Variants in XPNPEP1 observed in about 807,000 individuals in gnomAD.
XPNPEP1 encodes the protein xaa-Pro aminopeptidase 1.
In XPNPEP1, 39 loss-of-function variants were observed where a neutral mutation model predicts 92.4. The ratio of observed to expected loss-of-function variants is 0.42; its 90% confidence interval spans 0.33 to 0.55. The LOEUF is 0.55. Ranked by LOEUF, XPNPEP1 falls within the 20% of genes least tolerant of loss-of-function variation. The pLI, the probability that XPNPEP1 is intolerant of heterozygous loss-of-function variation, is 0.08. For synonymous variants in XPNPEP1, 307 were observed against 299.4 expected, an observed-to-expected ratio of 1.03 and a Z score of -0.26; for missense variants, 654 against 856.1, an observed-to-expected ratio of 0.76 and a Z score of 2.95.
chr10:109,890,709 T>C (rs1564769614), intron 5 of XPNPEP1, among the ~76,000 whole-genome samples: 1 of 151,980 alleles, frequency 6.6e-6, no homozygotes, highest in African/African-American at 2.4e-5. Context: ...TTTTGAGAAA[T>C]AGAAACTTAA....
At chr10:109,884,852 T>C (rs1009282568) in intron 8 of XPNPEP1, among the ~76,000 whole-genome samples, 1 of 152,306 alleles carries the variant, frequency 6.6e-6, no homozygotes, top group African/African-American at 2.4e-5. Context: ...CCAGCTTCCG[T>C]CACTTGTTCT....
At chr10:109,895,637 C>G (rs1365825972) in intron 3 of XPNPEP1, among the ~76,000 whole-genome samples, 1 of 152,258 alleles carries the variant, frequency 6.6e-6, no homozygotes, top group African/African-American at 2.4e-5. Flanking sequence ...TTCTCCCAGG[C>G]ATGAAGCTGG....
intron 16 of XPNPEP1, among the ~76,000 whole-genome samples, chr10:109,872,383 C>T (rs1269146489): frequency 6.6e-6 from 1 of 152,242 alleles, no homozygotes; most frequent in African/African-American, 2.4e-5. Flanking sequence ...CTACCACCAT[C>T]CTATCTTCAG....
At chr10:109,905,155 T>C (rs1849489195) in intron 3 of XPNPEP1, among the ~76,000 whole-genome samples, 1 of 152,096 alleles carries the variant, frequency 6.6e-6, no homozygotes, top group Non-Finnish European at 1.5e-5. Flanking sequence ...AATAAGCCAG[T>C]CACAAAAAGA....
In XPNPEP1 at chr10:109,880,948, G is replaced by A. The variant is rs1252852789; in HGVS notation, c.1042-17C>T. On this transcript the variant is annotated splice_polypyrimidine_tract_variant and intron_variant, in intron 10 of 20. Transcript: ENST00000502935. ...GCGGTGGTCCTAGAGGCAAAGGGCA[G>A]TAGGGTGGGAAATCAAACCGGCTCC... is the stretch of plus-strand genomic sequence containing the variant. The A allele has an allele frequency of 1.9e-6, 3 of 1,610,382 alleles. No homozygotes were observed. The highest frequency in any genetic ancestry group is 2.7e-5 in the African/African-American group (2 of 74,830).
At chr10:109,914,586 C>T (rs1482700417) in intron 2 of XPNPEP1, among the ~76,000 whole-genome samples, 3 of 152,070 alleles carry the variant, frequency 2.0e-5, no homozygotes, top group South Asian at 4.1e-4. Flanking sequence ...CACCTGAGGT[C>T]GGGAGTTCAA....
chr10:109,907,965 A>C, intron 2 of XPNPEP1, 150 bp from the exon 3 acceptor site: 1 of 1,120,562 alleles, frequency 8.9e-7, no homozygotes, highest in South Asian at 1.6e-5. Flanking sequence ...CCAGACCAAG[A>C]CCAAAGCTGC....
rs780944383 is a variant in XPNPEP1 at position 109,882,655 on chromosome 10, G to T, written c.831-13C>A. 1 of 1,613,606 alleles carries T rather than the reference G, an allele frequency of 6.2e-7. No individual in the cohort carries two copies. Among genetic ancestry groups the T allele is most frequent in the African/African-American group, 1.3e-5 (1 of 74,910 alleles). On this transcript the variant is annotated splice_polypyrimidine_tract_variant and intron_variant, in intron 9 of 20. Coordinates refer to ENST00000502935, the MANE Select transcript of XPNPEP1 (RefSeq NM_020383.4). ...ATCAATGAAGAGCCTGCAGATGGAGGAGAGGTGGGTGGCAGAAAAAGGAGG... is the reference window on the plus strand; with the variant it reads ...ATCAATGAAGAGCCTGCAGATGGAGTAGAGGTGGGTGGCAGAAAAAGGAGG...
At chr10:109,888,709 C>A in intron 5 of XPNPEP1, 114 bp from the exon 6 acceptor site, 1 of 761,344 alleles carries the variant, frequency 1.3e-6, no homozygotes, top group Non-Finnish European at 1.9e-6. Context: ...TAAGCAGCTT[C>A]TTTAAAGTGG....
At chr10:109,918,697 C>T (rs953505745) in intron 1 of XPNPEP1, among the ~76,000 whole-genome samples, 1 of 151,352 alleles carries the variant, frequency 6.6e-6, no homozygotes, top group Non-Finnish European at 1.5e-5. Context: ...GGAGGGGGAG[C>T]TTGCAGTGAG....
intron 3 of XPNPEP1, among the ~76,000 whole-genome samples, chr10:109,901,887 A>G (rs1849306117): frequency 6.6e-6 from 1 of 152,256 alleles, no homozygotes. Flanking sequence ...TTGAAACCAC[A>G]GCATAAAAAG....
At chr10:109,887,116 C>T (rs1488931864) in intron 7 of XPNPEP1, among the ~76,000 whole-genome samples, 1 of 152,052 alleles carries the variant, frequency 6.6e-6, no homozygotes, top group Non-Finnish European at 1.5e-5. Flanking sequence ...CGCACAGCAT[C>T]CTGCAGATAG....
At chr10:109,918,867 GGAAGGAAGGAA>G (rs1850355316) in intron 1 of XPNPEP1, among the ~76,000 whole-genome samples, 10 of 46,118 alleles carry the variant, frequency 2.2e-4, no homozygotes, top group African/African-American at 4.4e-4. Flanking sequence ...AGGGAAGGAA[GGAAGGAAGGAA>G]GGAAGGAAGG....
intron 16 of XPNPEP1, among the ~76,000 whole-genome samples, chr10:109,872,500 A>C (rs1431490273): frequency 6.6e-6 from 1 of 152,238 alleles, no homozygotes; most frequent in African/African-American, 2.4e-5. Flanking sequence ...AGCCTGGTTG[A>C]GCTCTTTGAA....
At chr10:109,883,521 C>T (rs750236540) in intron 9 of XPNPEP1, among the ~76,000 whole-genome samples, 2 of 152,150 alleles carry the variant, frequency 1.3e-5, no homozygotes, top group African/African-American at 2.4e-5. Flanking sequence ...CAACTCCAGC[C>T]AAGGACCCCG....
At position 109,865,247 on chromosome 10, in the gene XPNPEP1, C is replaced by G; in HGVS notation, c.1938G>C (p.Gln646His). 6.2e-7 allele frequency: 1 copy of G among 1,614,198 alleles called. No individual in the cohort carries two copies. Among genetic ancestry groups the G allele is most frequent in the East Asian group, 2.2e-5 (1 of 44,884 alleles). Residue 646 changes from glutamine to histidine, a missense_variant, in exon 21 of 21, where the codon CAG (glutamine) becomes CAC (histidine). By Grantham distance (24) the Gln-to-His change is conservative (BLOSUM62 0). Coordinates refer to ENST00000502935, the MANE Select transcript of XPNPEP1 (RefSeq NM_020383.4). ...RDVIGKELQK[Q>H]GRQEALEWLI... is the part of the protein sequence containing the mutation. ...GCCACTCGAGAGCTTCCTGGCGGCCCTGTTTCTGCAATTCCTTCCCAATCA... is the reference window on the plus strand; with the variant it reads ...GCCACTCGAGAGCTTCCTGGCGGCCGTGTTTCTGCAATTCCTTCCCAATCA...
chr10:109,870,162 G>T (rs1018007879), intron 18 of XPNPEP1, 133 bp from the exon 19 acceptor site: 2 of 979,788 alleles, frequency 2.0e-6, no homozygotes, highest in Non-Finnish European at 3.0e-6. Context: ...TCTATCTGGT[G>T]TAAGAGCCTA....
chr10:109,883,372 A>C (rs904542565), intron 9 of XPNPEP1, among the ~76,000 whole-genome samples: 12 of 152,082 alleles, frequency 7.9e-5, no homozygotes, highest in Non-Finnish European at 8.8e-5. Flanking sequence ...CTGCTTCAAA[A>C]TATTACTTTC....
rs1309700637 is a variant in XPNPEP1, at chr10:109,885,317, C to T, written c.748+929G>A. Among the ~76,000 whole-genome samples the T allele has an allele frequency of 3.9e-5, 6 of 152,206 alleles. No homozygotes were observed. The East Asian group carries it at 1.2e-3, about 29-fold the overall frequency. Reference sequence around the variant, plus strand: ...GTACTGATACAGTGAAAAAATCAGGCTATAAAATGATATATGCATAGAATA... The same window carrying T: ...GTACTGATACAGTGAAAAAATCAGGTTATAAAATGATATATGCATAGAATA... On this transcript the variant is annotated intron_variant, in intron 8 of 20. Coordinates refer to ENST00000502935, the MANE Select transcript of XPNPEP1 (RefSeq NM_020383.4).
Sources: allele counts gnomAD v4.1 joint callset (sites outside exome capture counted in the v4.1 genomes callset), GRCh38; gene constraint gnomAD v4.1.1; transcripts MANE v1.5; gene names NCBI Gene and HGNC (gene_info 2026-07-23, HGNC 2026-07-21).